The following FANCD2 variants were observed in gnomAD, a reference collection of about 807,000 sequenced individuals.
FANCD2 encodes the protein FA complementation group D2, also known as Fanconi anemia group D2 protein.
In FANCD2, 131 loss-of-function variants were observed where a neutral mutation model predicts 192.3. That is an observed-to-expected ratio of 0.68 (90% CI 0.59 to 0.79). The LOEUF is 0.79. Ranked by LOEUF, FANCD2 falls within the 30% of genes least tolerant of loss-of-function variation. The pLI is 0.00. For synonymous variants in FANCD2, 524 were observed against 612.5 expected (o/e 0.86, Z 2.13); for missense variants, 1,508 against 1,701.6 (o/e 0.89, Z 2.00).
At chr3:10,032,051 G>A (rs886853234) in intron 2 of FANCD2, among the ~76,000 whole-genome samples, 4 of 152,068 alleles carry the variant, frequency 2.6e-5, no homozygotes, top group African/African-American at 9.7e-5. Flanking sequence ...CACCACGTTA[G>A]CCAGGCTGGT....
At chr3:10,096,257 G>A in intron 41 of FANCD2, 69 bp from the exon 42 acceptor site, 3 of 1,518,034 alleles carry the variant, frequency 2.0e-6, no homozygotes, top group Non-Finnish European at 2.7e-6. Context: ...ACATTCAAAG[G>A]TTTCTATAAG....
At chr3:10,039,948 A>T (rs1162184332) in intron 9 of FANCD2, 103 bp downstream of exon 9, 3 of 1,360,886 alleles carry the variant, frequency 2.2e-6, no homozygotes, top group Non-Finnish European at 3.1e-6. Flanking sequence ...CTATCTAAAA[A>T]GAGGATGATA....
chr3:10,043,983 T>C (rs556734130), intron 14 of FANCD2, 119 bp downstream of exon 14: 4 of 840,138 alleles, frequency 4.8e-6, no homozygotes, highest in Non-Finnish European at 7.9e-6. Flanking sequence ...CTCTCTTCCC[T>C]AGTTGCTCTA....
intron 18 of FANCD2, among the ~76,000 whole-genome samples, chr3:10,055,645 T>C (rs892193235): frequency 1.3e-5 from 2 of 151,852 alleles, no homozygotes; most frequent in African/African-American, 2.4e-5. Flanking sequence ...ACCCCGTCTT[T>C]ACTAAAAATA....
chr3:10,057,985 AGCTTTTTTGAG>A (rs2087462222), intron 18 of FANCD2: 1 of 409,610 alleles, frequency 2.4e-6, no homozygotes, highest in Admixed American at 2.9e-5. Context: ...ACTCATTAGT[AGCTTTTTTGAG>A]TTAAGCTATC....
At chr3:10,078,404 G>T (rs1025892260) in intron 30 of FANCD2, among the ~76,000 whole-genome samples, 1 of 152,052 alleles carries the variant, frequency 6.6e-6, no homozygotes, top group Admixed American at 6.5e-5. Flanking sequence ...GCCCAGGCTG[G>T]AGTGCAGTGG....
chr3:10,076,006 C>T (rs1447552002), intron 29 of FANCD2, among the ~76,000 whole-genome samples: 1 of 151,066 alleles, frequency 6.6e-6, no homozygotes, highest in African/African-American at 2.4e-5. Flanking sequence ...GTTGGGATTA[C>T]AGGTGTGAGC....
chr3:10,033,533 A>T lies in FANCD2; in HGVS notation c.205+561A>T, dbSNP rs182712901. Among the ~76,000 whole-genome samples, 526 of 152,126 alleles carry T rather than the reference A, an allele frequency of 3.5e-3. 9 individuals are homozygous for T. Among genetic ancestry groups the T allele is most frequent in the Non-Finnish European group, 3.4e-4 (23 of 67,996 alleles). On this transcript the variant is annotated intron_variant, in intron 3 of 43. Coordinates refer to ENST00000675286, the MANE Select transcript of FANCD2 (RefSeq NM_001018115.3). ...TTTATTTTGTGTTTTCTTATGAAAA[A>T]ATAAATATCCAGAAAGCAGCTGTAT... is the stretch of plus-strand genomic sequence containing the variant.
intron 36 of FANCD2, 144 bp from the exon 37 acceptor site, chr3:10,090,148 G>A (rs749094775): frequency 9.5e-5 from 63 of 660,916 alleles, no homozygotes; most frequent in Non-Finnish European, 1.5e-4. Context: ...AGTCCTTTCC[G>A]CTCCCCCATC....
rs187313930 is a variant in FANCD2 at position 10,090,619 on chromosome 3, C to T, written c.3777+234C>T. ...GATTACAGGCATGCGCCACCACACCCGGCTAATTTTTATATTTTTTAGTAG... is the reference window on the plus strand; with the variant it reads ...GATTACAGGCATGCGCCACCACACCTGGCTAATTTTTATATTTTTTAGTAG... On this transcript the variant is annotated intron_variant, in intron 37 of 43. Coordinates refer to ENST00000675286, the MANE Select transcript of FANCD2 (RefSeq NM_001018115.3). Among the ~76,000 whole-genome samples the T allele has an allele frequency of 2.3e-3, 345 of 151,926 alleles. 1 individual carries two copies. Among genetic ancestry groups the T allele is most frequent in the African/African-American group, 7.9e-3 (328 of 41,438 alleles).
intron 41 of FANCD2, 78 bp downstream of exon 41, chr3:10,095,352 A>G (rs1008686460): frequency 6.1e-6 from 7 of 1,138,538 alleles, no homozygotes; most frequent in Non-Finnish European, 9.2e-6. Flanking sequence ...TCCATGGGCT[A>G]CCATCCTTCT....
At position 10,060,419 on chromosome 3, in the gene FANCD2, C is replaced by T. The variant is rs201040143; in HGVS notation, c.1766+16C>T. On this transcript the variant is annotated intron_variant, in intron 19 of 43. Transcript: ENST00000675286. ...CGGCAGACAGGTACACGTGGAGATT[C>T]TGACTTCTGTGGTTTAAGATCAGTT... 4.0e-5 allele frequency: 63 copies of T among 1,586,132 alleles called. No homozygotes were observed. The African/African-American group carries it at 8.5e-4, about 21-fold the overall frequency.
chr3:10,035,565 T>C (rs1032119077), intron 6 of FANCD2, among the ~76,000 whole-genome samples: 1 of 152,198 alleles, frequency 6.6e-6, no homozygotes, highest in Non-Finnish European at 1.5e-5. Flanking sequence ...TTTAGATGCT[T>C]ATGTAACTTA....
intron 28 of FANCD2, among the ~76,000 whole-genome samples, chr3:10,074,180 G>A (rs1347953094): frequency 1.3e-5 from 2 of 152,038 alleles, no homozygotes; most frequent in African/African-American, 4.8e-5. Context: ...TCCTGACCTC[G>A]TGATCCACCC....
At chr3:10,069,253 G>A (rs1164463168) in intron 26 of FANCD2, among the ~76,000 whole-genome samples, 2 of 147,066 alleles carry the variant, frequency 1.4e-5, no homozygotes, top group Non-Finnish European at 2.9e-5. Flanking sequence ...TGCAAACTAT[G>A]TATCTGACAA....
At chr3:10,058,052 C>A in intron 18 of FANCD2, 1 of 487,398 alleles carries the variant, frequency 2.1e-6, no homozygotes, top group Non-Finnish European at 3.9e-6. Context: ...GATCATTTTT[C>A]TTCCAGGGAT....
intron 17 of FANCD2, among the ~76,000 whole-genome samples, chr3:10,050,622 CA>C (rs58316932): frequency 0.26 from 15,419 of 59,606 alleles, 385 homozygotes; most frequent in African/African-American, 0.35. Flanking sequence ...GACTCTGTCT[CA>C]AAAAAAAAAA....
chr3:10,042,653 A>T lies in FANCD2; in HGVS notation c.878A>T (p.Asp293Val). 6.2e-7 allele frequency: 1 copy of T among 1,613,230 alleles called. No homozygotes were observed. The highest frequency in any genetic ancestry group is 8.5e-7 in the Non-Finnish European group (1 of 1,179,198). The change falls in exon 11 of 44, where the codon GAT becomes GTT. Residue 293 changes from aspartate (D) to valine (V), a missense_variant. This residue lies in a region of FANCD2 where 435 missense variants were observed against 421.9 expected (regional missense o/e 1.03). Coordinates refer to ENST00000675286, the MANE Select transcript of FANCD2 (RefSeq NM_001018115.3). The stretch of plus-strand genomic sequence containing the variant: ...ATTCTTCATTCCGTAACAGCCATGG[A>T]TACACTTGAGGTATGCTCTTATATC... ...KFILHSVTAM[D>V]TLEVISELRE...
intron 10 of FANCD2, 39 bp from the exon 11 acceptor site, chr3:10,042,520 C>T (rs762983378): frequency 6.9e-7 from 1 of 1,448,374 alleles, no homozygotes; most frequent in African/African-American, 1.4e-5. Context: ...GAGGTAGTGA[C>T]ATGAAAACCT....
Sources: allele counts gnomAD v4.1 joint callset (sites outside exome capture counted in the v4.1 genomes callset), GRCh38; gene constraint gnomAD v4.1.1; regional missense constraint gnomAD v4.1.1; transcripts MANE v1.5; gene names NCBI Gene and HGNC (gene_info 2026-07-23, HGNC 2026-07-21).